SETD2: variants seen among roughly 807,000 people sequenced by gnomAD.
SETD2 encodes the protein SET domain containing 2, histone lysine methyltransferase.
A neutral mutation model predicts 242.1 loss-of-function variants in SETD2; 31 were observed. That is an observed-to-expected ratio of 0.13 (90% CI 0.10 to 0.17). The LOEUF (loss-of-function observed/expected upper bound fraction) is 0.17, where lower values mean the gene tolerates loss of function less well. Among genes scored for constraint, SETD2 ranks in the 10% least tolerant of loss-of-function variants. The pLI, the probability that SETD2 is intolerant of heterozygous loss-of-function variation, is 1.00. For missense variants in SETD2, 2,481 were observed against 3,046.3 expected (o/e 0.81, Z 4.37); for synonymous variants, 1,006 against 1,066.5 (o/e 0.94, Z 1.11).
intron 18 of SETD2, among the ~76,000 whole-genome samples, chr3:47,024,167 C>T (rs2038362742): frequency 6.6e-6 from 1 of 152,086 alleles, no homozygotes; most frequent in Non-Finnish European, 1.5e-5. Flanking sequence ...AAGCAAAACC[C>T]CATCTCTATT....
At chr3:47,049,323 A>G (rs376828024) in intron 15 of SETD2, among the ~76,000 whole-genome samples, 3 of 19,330 alleles carry the variant, frequency 1.6e-4, no homozygotes, top group African/African-American at 7.3e-4. Flanking sequence ...ATATATATAT[A>G]TATATATATA....
At chr3:47,083,611 C>T in intron 12 of SETD2, 109 bp downstream of exon 12, 1 of 1,018,834 alleles carries the variant, frequency 9.8e-7, no homozygotes, top group Non-Finnish European at 1.4e-6. Context: ...GACAGTATTC[C>T]ATTTTTCAGA....
At chr3:47,076,737 G>A (rs563783390) in intron 12 of SETD2, among the ~76,000 whole-genome samples, 1 of 152,240 alleles carries the variant, frequency 6.6e-6, no homozygotes, top group Non-Finnish European at 1.5e-5. Flanking sequence ...AGTATTCCAA[G>A]TAAGGAGAAC....
In SETD2 at chr3:47,093,284, CT is replaced by C. The variant is rs67167956; in HGVS notation, c.5142+4670del. ...CTATTTCTTTTATAATTTATCCATC[CT>C]TTTTTTTTTTTTTTTTGAGACTGAG... On this transcript the variant is annotated intron_variant, in intron 9 of 20. Coordinates refer to ENST00000409792, the MANE Select transcript of SETD2 (RefSeq NM_014159.7). 2.7e-3 allele frequency among the ~76,000 whole-genome samples: 364 copies of C among 133,634 alleles called. 1 individual carries two copies. The highest frequency in any genetic ancestry group is 6.1e-3 in the African/African-American group (210 of 34,398). 87.7% of individuals were successfully genotyped at this position (133,634 alleles called of 152,430 possible).
At chr3:47,044,559 G>A (rs1382426689) in intron 16 of SETD2, among the ~76,000 whole-genome samples, 1 of 151,934 alleles carries the variant, frequency 6.6e-6, no homozygotes, top group African/African-American at 2.4e-5. Context: ...AGAACTGTAG[G>A]TGTTCTAAAG....
chr3:47,143,017 C>T lies in SETD2; in HGVS notation c.72-16354G>A, dbSNP rs747903409. Among the ~76,000 whole-genome samples, 82 of 152,080 alleles carry T rather than the reference C, an allele frequency of 5.4e-4. 1 individual carries two copies. Among genetic ancestry groups the T allele is most frequent in the Non-Finnish European group, 7.5e-4 (51 of 67,974 alleles). On this transcript the variant is annotated intron_variant, in intron 1 of 20. Coordinates refer to ENST00000409792, the MANE Select transcript of SETD2 (RefSeq NM_014159.7). ...TGGAAAAATGAAAGTTGGGGCTGGGCATGGTGGGTCACACCTGTAATCCCA... is the reference window on the plus strand; with the variant it reads ...TGGAAAAATGAAAGTTGGGGCTGGGTATGGTGGGTCACACCTGTAATCCCA...
rs780434002 is a variant in SETD2, at chr3:47,122,696, T to C, written c.1940A>G (p.Asp647Gly). 1.2e-6 allele frequency: 2 copies of C among 1,612,342 alleles called. No individual in the cohort carries two copies. The highest frequency in any genetic ancestry group is 1.7e-6 in the Non-Finnish European group (2 of 1,179,392). Residue 647 changes from aspartate to glycine, a missense_variant, in exon 3 of 21, where the codon GAT becomes GGT. By Grantham distance (94) the Asp-to-Gly change is moderately conservative (BLOSUM62 -1). This residue lies in a region of SETD2 where 1,300 missense variants were observed against 1,259.2 expected (regional missense o/e 1.03). Coordinates refer to ENST00000409792, the MANE Select transcript of SETD2 (RefSeq NM_014159.7). ...TAAAGAGTCTAATTCCTTAATACTA[T>C]CATGGCTATCATGTGTTATAAATTC... ...KSEFITHDSH[D>G]SIKELDSLSK...
At chr3:47,064,482 T>C (rs528368981) in intron 13 of SETD2, 29 of 187,056 alleles carry the variant, frequency 1.6e-4, no homozygotes, top group East Asian at 6.1e-4. Context: ...CCAGGTTTCT[T>C]ACCTAGTATA....
chr3:47,142,350 A>C (rs966708669), intron 1 of SETD2, among the ~76,000 whole-genome samples: 1 of 152,090 alleles, frequency 6.6e-6, no homozygotes, highest in African/African-American at 2.4e-5. Flanking sequence ...TCTACAAAAA[A>C]TAAGCAAAAT....
At chr3:47,056,509 A>G (rs1432538392) in intron 15 of SETD2, among the ~76,000 whole-genome samples, 6 of 151,832 alleles carry the variant, frequency 4.0e-5, no homozygotes, top group Admixed American at 3.9e-4. Flanking sequence ...GCTAACAACA[A>G]TGTGAGTAGG....
At chr3:47,146,015 CAAAA>C (rs1171574770) in intron 1 of SETD2, among the ~76,000 whole-genome samples, 6 of 38,690 alleles carry the variant, frequency 1.6e-4, no homozygotes, top group African/African-American at 1.4e-4. Flanking sequence ...GACCCTGTCT[CAAAA>C]AAAAAAAAAA....
chr3:47,025,277 C>T (rs1289716697), intron 18 of SETD2, among the ~76,000 whole-genome samples: 1 of 152,174 alleles, frequency 6.6e-6, no homozygotes, highest in Non-Finnish European at 1.5e-5. Flanking sequence ...CACTTGTTTG[C>T]TAAACCCTCA....
At chr3:47,019,877 GAGA>G in intron 18 of SETD2, 37 bp from the exon 19 acceptor site, 1 of 1,566,680 alleles carries the variant, frequency 6.4e-7, no homozygotes, top group Non-Finnish European at 8.8e-7. Context: ...GTGCTGGCAT[GAGA>G]AGTCAGTTTA....
intron 14 of SETD2, among the ~76,000 whole-genome samples, chr3:47,060,114 G>A (rs1015070100): frequency 1.3e-5 from 2 of 152,140 alleles, no homozygotes. Context: ...AAAAAACCGG[G>A]CATCGTGGCA....
chr3:47,021,164 T>C (rs141401435), intron 18 of SETD2, among the ~76,000 whole-genome samples: 189 of 152,312 alleles, frequency 1.2e-3, no homozygotes, highest in African/African-American at 4.2e-3. Context: ...ATGAGTATGC[T>C]CCACAGTAAG....
intron 6 of SETD2, among the ~76,000 whole-genome samples, chr3:47,104,988 C>T (rs1051462530): frequency 2.2e-4 from 33 of 152,068 alleles, no homozygotes; most frequent in Non-Finnish European, 3.2e-4. Flanking sequence ...AGGCTGGCCT[C>T]CTTTGGCTTC....
intron 12 of SETD2, among the ~76,000 whole-genome samples, chr3:47,074,878 G>A (rs1247269868): frequency 6.6e-6 from 1 of 152,222 alleles, no homozygotes; most frequent in African/African-American, 2.4e-5. Context: ...GCTCACGCCT[G>A]TAATCCCAAC....
intron 1 of SETD2, among the ~76,000 whole-genome samples, chr3:47,153,268 C>G (rs1020274624): frequency 6.6e-6 from 1 of 152,096 alleles, no homozygotes; most frequent in Non-Finnish European, 1.5e-5. Flanking sequence ...TTTTATTACA[C>G]AATTTTTATT....
At chr3:47,038,274 C>T (rs2039112945) in intron 17 of SETD2, among the ~76,000 whole-genome samples, 1 of 152,064 alleles carries the variant, frequency 6.6e-6, no homozygotes, top group South Asian at 2.1e-4. Context: ...AATAGTTCTG[C>T]CCCTCTGGTT....
Sources: gnomAD v4.1 joint callset for allele counts (sites outside exome capture counted in the v4.1 genomes callset) on GRCh38, gnomAD v4.1.1 for gene constraint, gnomAD v4.1.1 regional missense constraint, MANE v1.5 for transcripts, NCBI Gene and HGNC (gene_info 2026-07-23, HGNC 2026-07-21) for gene names.